Variants in PRR14L observed in about 807,000 individuals in gnomAD.
The protein encoded by PRR14L is protein PRR14L.
PRR14L carries 80 observed loss-of-function variants against 155.0 expected under a neutral mutation model. That is an observed-to-expected ratio of 0.52 (90% CI 0.43 to 0.62). The LOEUF is 0.62. Among genes scored for constraint, PRR14L ranks in the 20% least tolerant of loss-of-function variants. PRR14L has a pLI of 0.00. For synonymous variants in PRR14L, 883 were observed against 916.0 expected, an observed-to-expected ratio of 0.96 and a Z score of 0.65; for missense variants, 2,469 against 2,548.0, an observed-to-expected ratio of 0.97 and a Z score of 0.67.
In PRR14L at chr22:31,688,237, A is replaced by T; in HGVS notation, c.6108-10T>A. Reference sequence around the variant, plus strand: ...CTCCTTCTTCTTTAACCTGAAAAGAAATAAGGAAAAAAATTCTTCAGGTTC... The same window carrying T: ...CTCCTTCTTCTTTAACCTGAAAAGATATAAGGAAAAAAATTCTTCAGGTTC... On this transcript the variant is annotated splice_polypyrimidine_tract_variant and intron_variant, in intron 7 of 8. Transcript: ENST00000327423. The T allele has an allele frequency of 6.4e-7, 1 of 1,570,504 alleles. No individual in the cohort carries two copies. Among genetic ancestry groups the T allele is most frequent in the Non-Finnish European group, 8.6e-7 (1 of 1,162,662 alleles).
chr22:31,709,538 T>G (rs1432041865), intron 4 of PRR14L, among the ~76,000 whole-genome samples: 3 of 135,588 alleles, frequency 2.2e-5, no homozygotes, highest in African/African-American at 8.6e-5. Context: ...GTGGGGTTTT[T>G]TTTTTTTTTT....
intron 1 of PRR14L, among the ~76,000 whole-genome samples, chr22:31,746,287 C>G (rs531218147): frequency 2.0e-5 from 3 of 152,268 alleles, no homozygotes; most frequent in African/African-American, 7.2e-5. Context: ...TTCTCAAGAT[C>G]TAAACACACA....
chr22:31,712,674 T>C lies in PRR14L; in HGVS notation c.5165A>G (p.His1722Arg), dbSNP rs988380086. 4 of 1,551,642 alleles carry C rather than the reference T, an allele frequency of 2.6e-6. No homozygotes were observed. The highest frequency in any genetic ancestry group is 1.7e-4 in the Middle Eastern group (1 of 6,016). Residue 1722 changes from histidine (H) to arginine (R), a missense_variant, in exon 4 of 9, where the codon CAT (histidine) becomes CGT (arginine). This residue lies in a region of PRR14L where 2,363 missense variants were observed against 2,371.6 expected (regional missense o/e 1.00). Coordinates refer to ENST00000327423, the MANE Select transcript of PRR14L (RefSeq NM_173566.3). ...GCAATCTGAGCTGGATGATTTCACATGAAAGGATACTGGGAAGATTTCAGA... is the reference window on the plus strand; with the variant it reads ...GCAATCTGAGCTGGATGATTTCACACGAAAGGATACTGGGAAGATTTCAGA... The part of the protein sequence containing the change: ...FGSEIFPVSF[H>R]VKSSSSDCTT...
At chr22:31,729,105 A>G (rs149303799) in intron 2 of PRR14L, among the ~76,000 whole-genome samples, 8 of 152,314 alleles carry the variant, frequency 5.3e-5, no homozygotes, top group East Asian at 3.8e-4. Flanking sequence ...TTCTTTCACA[A>G]TTCAGCTTGG....
intron 3 of PRR14L, among the ~76,000 whole-genome samples, chr22:31,717,525 T>C (rs749953418): frequency 1.4e-4 from 21 of 152,180 alleles, no homozygotes; most frequent in Admixed American, 5.9e-4. Context: ...TTGCTGAAAG[T>C]TTAATACAGA....
Position 31,709,845 on chromosome 22 carries a change from G to A in PRR14L, c.5756+2238C>T, listed in dbSNP as rs188126228. ...CACGAGCCACGGTGCCCAGCTTCCAGGATGGTCTCGATCTCTTGACCTCGT... is the reference window on the plus strand; with the variant it reads ...CACGAGCCACGGTGCCCAGCTTCCAAGATGGTCTCGATCTCTTGACCTCGT... On this transcript the variant is annotated intron_variant, in intron 4 of 8. Coordinates refer to ENST00000327423, the MANE Select transcript of PRR14L (RefSeq NM_173566.3). Among the ~76,000 whole-genome samples, 4 of 151,136 alleles carry A rather than the reference G, an allele frequency of 2.6e-5. No individual in the cohort carries two copies. The East Asian group carries it at 8.0e-4, about 30-fold the overall frequency.
chr22:31,705,635 G>A (rs898873863), intron 4 of PRR14L, among the ~76,000 whole-genome samples: 1 of 151,840 alleles, frequency 6.6e-6, no homozygotes, highest in African/African-American at 2.4e-5. Flanking sequence ...AATTCCCAAA[G>A]TGCTGGCATT....
rs1286565339 is a variant in PRR14L, at chr22:31,715,994, G to C, written c.1845C>G (p.Thr615=). The C allele has an allele frequency of 6.4e-7, 1 of 1,551,120 alleles. No homozygotes were observed. The highest frequency in any genetic ancestry group is 2.4e-5 in the East Asian group (1 of 40,918). The change falls in exon 4 of 9, where the codon ACC becomes ACG. Residue 615 remains threonine, a synonymous_variant. Transcript: ENST00000327423. The part of the protein sequence containing the change: ...YRPESEKVIQ[T]SHDDIPLLDE... Reference sequence around the variant, plus strand: ...CTAAAAGTGGAATATCATCATGTGAGGTCTGTATAACTTTTTCTGACTCAG... The same window carrying C: ...CTAAAAGTGGAATATCATCATGTGACGTCTGTATAACTTTTTCTGACTCAG...
intron 2 of PRR14L, among the ~76,000 whole-genome samples, chr22:31,734,351 T>A (rs1336681820): frequency 6.6e-6 from 1 of 152,230 alleles, no homozygotes; most frequent in Non-Finnish European, 1.5e-5. Context: ...ATATAGACCC[T>A]TTATCTCTGA....
intron 5 of PRR14L, among the ~76,000 whole-genome samples, chr22:31,704,044 G>A (rs113675493): frequency 0.011 from 1,667 of 152,092 alleles, 31 homozygotes; most frequent in African/African-American, 0.038. Flanking sequence ...TGATCCACCC[G>A]CACCGGCCTC....
chr22:31,728,760 T>A (rs2074731600), intron 2 of PRR14L, among the ~76,000 whole-genome samples: 1 of 151,392 alleles, frequency 6.6e-6, no homozygotes, highest in African/African-American at 2.4e-5. Context: ...TGTGTCTGAG[T>A]TGAATACAAC....
At position 31,716,880 on chromosome 22, in the gene PRR14L, T is replaced by C. The variant is rs75240208; in HGVS notation, c.959A>G (p.Asn320Ser). The change falls in exon 4 of 9, where the codon AAT becomes AGT. Residue 320 changes from asparagine to serine, a missense_variant. Around this residue, in one of 2 missense-constraint regions of PRR14L, gnomAD observed 2,363 missense variants for 2,371.6 expected, o/e 1.00. Coordinates refer to ENST00000327423, the MANE Select transcript of PRR14L (RefSeq NM_173566.3). Reference sequence around the variant, plus strand: ...ATCATGTGTAGAACTGGGTTGTTCATTATGGTGGCCATGAAGCTGTTGGTG... The same window carrying C: ...ATCATGTGTAGAACTGGGTTGTTCACTATGGTGGCCATGAAGCTGTTGGTG... ...DNHQQLHGHH[N>S]EQPSSTHDSP... is the part of the protein sequence containing the mutation. 2.3e-3 allele frequency: 3,569 copies of C among 1,551,906 alleles called. 47 individuals are homozygous for C. The African/African-American group carries it at 0.03, about 13-fold the overall frequency.
At chr22:31,736,956 C>G (rs116345272) in intron 2 of PRR14L, among the ~76,000 whole-genome samples, 1 of 144,114 alleles carries the variant, frequency 6.9e-6, no homozygotes, top group Non-Finnish European at 1.5e-5. Context: ...GCGAATTGCT[C>G]GATCCCAGGA....
chr22:31,749,152 A>G (rs1407305308), intron 1 of PRR14L, among the ~76,000 whole-genome samples: 1 of 152,246 alleles, frequency 6.6e-6, no homozygotes, highest in South Asian at 2.1e-4. Flanking sequence ...CAATTCTAAG[A>G]AAACAGAACC....
intron 7 of PRR14L, among the ~76,000 whole-genome samples, chr22:31,691,083 C>A (rs2074509368): frequency 6.6e-6 from 1 of 151,870 alleles, no homozygotes; most frequent in Non-Finnish European, 1.5e-5. Context: ...CCTCCCTCAG[C>A]CTCCCGAGTA....
chr22:31,742,587 G>T (rs1204883290), intron 1 of PRR14L, among the ~76,000 whole-genome samples: 2 of 151,972 alleles, frequency 1.3e-5, no homozygotes, highest in African/African-American at 4.8e-5. Context: ...GGCTGGTCTC[G>T]AACTCCTGAC....
intron 4 of PRR14L, among the ~76,000 whole-genome samples, chr22:31,711,596 C>G (rs948414762): frequency 4.0e-5 from 6 of 151,770 alleles, no homozygotes; most frequent in African/African-American, 7.3e-5. Context: ...GCCTGACCAA[C>G]ATGGAGAAAC....
chr22:31,690,665 G>A (rs1486444301), intron 7 of PRR14L, among the ~76,000 whole-genome samples: 4 of 150,174 alleles, frequency 2.7e-5, no homozygotes, highest in East Asian at 2.0e-4. Flanking sequence ...TCTTTGAGAC[G>A]GAGTCTTGCT....
At chr22:31,725,941 T>G (rs983115821) in intron 2 of PRR14L, among the ~76,000 whole-genome samples, 1 of 151,554 alleles carries the variant, frequency 6.6e-6, no homozygotes, top group Non-Finnish European at 1.5e-5. Flanking sequence ...AGTGCTAGGA[T>G]TACAGGCGTG....
Sources: gnomAD v4.1 joint callset for allele counts (sites outside exome capture counted in the v4.1 genomes callset) on GRCh38, gnomAD v4.1.1 for gene constraint, gnomAD v4.1.1 regional missense constraint, MANE v1.5 for transcripts, NCBI Gene and HGNC (gene_info 2026-07-23, HGNC 2026-07-21) for gene names.